Variants in CCNA2 observed in about 807,000 individuals in gnomAD.
The protein encoded by CCNA2 is cyclin-A2.
A neutral mutation model predicts 49.4 loss-of-function variants in CCNA2; 3 were observed. That is an observed-to-expected ratio of 0.06 (90% CI 0.03 to 0.16). The LOEUF (loss-of-function observed/expected upper bound fraction) is 0.16. CCNA2 is among the 10% of genes least tolerant of loss of function. CCNA2 has a pLI of 1.00. For synonymous variants in CCNA2, 206 were observed against 197.2 expected, an observed-to-expected ratio of 1.04 and a Z score of -0.37; for missense variants, 372 against 519.7, an observed-to-expected ratio of 0.72 and a Z score of 2.76.
Position 121,819,152 on chromosome 4 carries a change from A to G in CCNA2, c.1002+220T>C, listed in dbSNP as rs572911780. On this transcript the variant is annotated intron_variant, in intron 5 of 7. Coordinates refer to ENST00000274026, the MANE Select transcript of CCNA2 (RefSeq NM_001237.5). ...CAACTCTTCTGACTACCCATCCCCA[A>G]GATGTCATCCTTAGACCTCTGCTTC... is the stretch of plus-strand genomic sequence containing the variant. Among the ~76,000 whole-genome samples, 25 of 152,280 alleles carry G rather than the reference A, an allele frequency of 1.6e-4. 1 individual carries two copies. In the South Asian group the frequency reaches 5.2e-3, roughly 32 times the overall value.
At chr4:121,818,574 A>G (rs138990136) in intron 6 of CCNA2, among the ~76,000 whole-genome samples, 5 of 152,308 alleles carry the variant, frequency 3.3e-5, no homozygotes, top group African/African-American at 1.2e-4. Context: ...TGGGTTGTGA[A>G]TCCCCTGAAT....
rs1393610130 is a variant in CCNA2 at position 121,819,456 on chromosome 4, T to C, written c.918A>G (p.Leu306=). The C allele has an allele frequency of 1.2e-6, 2 of 1,614,008 alleles. No homozygotes were observed. The highest frequency in any genetic ancestry group is 1.3e-5 in the African/African-American group (1 of 74,944). Residue 306 remains leucine (L), a synonymous_variant, in exon 5 of 8, where the codon TTA becomes TTG. Coordinates refer to ENST00000274026, the MANE Select transcript of CCNA2 (RefSeq NM_001237.5). ...HLVLKVLTFD[L]AAPTVNQFLT... ...GAAACTGATTTACTGTTGGAGCAGC[T>C]AAGTCAAAAGTAAGGACTTTCAAAA...
At chr4:121,822,377 CCA>C in intron 2 of CCNA2, 24 bp downstream of exon 2, 1 of 1,602,642 alleles carries the variant, frequency 6.2e-7, no homozygotes, top group Non-Finnish European at 8.5e-7. Flanking sequence ...TACCGTAATT[CCA>C]CACAGATTTT....
In CCNA2 at chr4:121,817,634, A is replaced by T; in HGVS notation, c.*4T>A. ...TCTTAGAAAACAAAGGCAGTCTTTCATTGTTACAGATTTAGTGTCTCTGGT... is the reference window on the plus strand; with the variant it reads ...TCTTAGAAAACAAAGGCAGTCTTTCTTTGTTACAGATTTAGTGTCTCTGGT... On this transcript the variant is annotated 3_prime_UTR_variant, in exon 8 of 8. Transcript: ENST00000274026. 1 of 1,613,940 alleles carries T rather than the reference A, an allele frequency of 6.2e-7. No homozygotes were observed. Among genetic ancestry groups the T allele is most frequent in the Non-Finnish European group, 8.5e-7 (1 of 1,179,898 alleles).
In CCNA2 at chr4:121,822,327, C is replaced by T. The variant is rs1244202714; in HGVS notation, c.457+76G>A. The T allele has an allele frequency of 7.6e-6, 11 of 1,439,188 alleles. No individual in the cohort carries two copies. In the Admixed American group the frequency reaches 2.2e-4, roughly 29 times the overall value. 89.2% of individuals were successfully genotyped at this position (1,439,188 alleles called of 1,614,324 possible). A position where few individuals can be genotyped will look rare whatever the true frequency, so the allele number is the denominator to read the frequency against. ...TAGTCAAAATGACTACATAAGACATCTTAAAATGCAAATCATTAATATCAT... is the reference window on the plus strand; with the variant it reads ...TAGTCAAAATGACTACATAAGACATTTTAAAATGCAAATCATTAATATCAT... On this transcript the variant is annotated intron_variant, in intron 2 of 7. Coordinates refer to ENST00000274026, the MANE Select transcript of CCNA2 (RefSeq NM_001237.5).
chr4:121,819,600 A>G (rs762287419), intron 4 of CCNA2, 21 bp from the exon 5 acceptor site: 1 of 1,537,972 alleles, frequency 6.5e-7, no homozygotes, highest in South Asian at 1.1e-5. Context: ...AAAAGTTTTA[A>G]GTAATCAGTC....
In CCNA2 at chr4:121,817,034, T is replaced by C. The variant is rs1724548105; in HGVS notation, c.*604A>G. On this transcript the variant is annotated 3_prime_UTR_variant, in exon 8 of 8. Transcript: ENST00000274026. ...ACCTTCTGGAGCATTTCTCGTCTGT[T>C]AATTTGCATATAAGCTTCCCACCCT... is the stretch of plus-strand genomic sequence containing the variant. The C allele has an allele frequency of 8.0e-6, 5 of 627,772 alleles. No homozygotes were observed. Among genetic ancestry groups the C allele is most frequent in the Non-Finnish European group, 1.3e-5 (5 of 387,110 alleles). 38.9% of individuals were successfully genotyped at this position (627,772 alleles called of 1,614,324 possible). A position where few individuals can be genotyped will look rare whatever the true frequency, so the allele number is the denominator to read the frequency against.
In CCNA2 at chr4:121,823,883, C is replaced by T. The variant is rs769236; in HGVS notation, c.-255G>A. 200,007 of 557,246 alleles carry T rather than the reference C, an allele frequency of 0.36. 39,192 individuals carry two copies. Among genetic ancestry groups the T allele is most frequent in the East Asian group, 0.51 (15,355 of 30,058 alleles). The allele number at this position is 557,246 out of a possible 1,614,324, so 34.5% of individuals were successfully genotyped here. A position where few individuals can be genotyped will look rare whatever the true frequency, so the allele number is the denominator to read the frequency against. On this transcript the variant is annotated 5_prime_UTR_variant, in exon 1 of 8. Coordinates refer to ENST00000274026, the MANE Select transcript of CCNA2 (RefSeq NM_001237.5). ...CCCAGAGATGCAGCGAGCAGCCCGC[C>T]GGAGCGGCGGCTGTTCTTGCAGTTC...
At chr4:121,819,803 A>C (rs1578513018) in intron 4 of CCNA2, among the ~76,000 whole-genome samples, 1 of 152,214 alleles carries the variant, frequency 6.6e-6, no homozygotes, top group Non-Finnish European at 1.5e-5. Flanking sequence ...AGTTCAGTCA[A>C]AGGAAGTAAA....
Position 121,818,160 on chromosome 4 carries a change from T to C in CCNA2, c.1134A>G (p.Arg378=), listed in dbSNP as rs1578511867. 3 of 1,613,568 alleles carry C rather than the reference T, an allele frequency of 1.9e-6. No homozygotes were observed. Among genetic ancestry groups the C allele is most frequent in the African/African-American group, 1.3e-5 (1 of 75,020 alleles). ...GACTTTCCAGGGTATATCCAGTCTTTCGTATTAATGATTCAGGCTACAGAG... is the reference window on the plus strand; with the variant it reads ...GACTTTCCAGGGTATATCCAGTCTTCCGTATTAATGATTCAGGCTACAGAG... ...TGQSWPESLI[R]KTGYTLESLK... Residue 378 remains arginine, a synonymous_variant, in exon 7 of 8, where the codon CGA becomes CGG. Transcript: ENST00000274026.
In CCNA2 at chr4:121,823,428, C is replaced by T. The variant is rs779576613; in HGVS notation, c.201G>A (p.Pro67=). ...CGCATCCCTTTACCCGTCTCGTCTT[C>T]GGCCTCTGCTGCTGCGCTAGACCCC... is the stretch of plus-strand genomic sequence containing the variant. ...NPRGLAQQQR[P]KTRRVAPLKD... is the part of the protein sequence containing the mutation. Residue 67 remains proline (P), a synonymous_variant, in exon 1 of 8, where the codon CCG becomes CCA. Transcript: ENST00000274026. The T allele has an allele frequency of 3.7e-6, 6 of 1,611,790 alleles. No individual in the cohort carries two copies. The East Asian group carries it at 1.3e-4, about 36-fold the overall frequency.
At chr4:121,818,666 G>A (rs960784060) in intron 6 of CCNA2, 134 bp downstream of exon 6, 4 of 627,434 alleles carry the variant, frequency 6.4e-6, no homozygotes, top group Non-Finnish European at 1.1e-5. Flanking sequence ...GTTTTTCAAA[G>A]GTCAACTATA....
chr4:121,822,835 A>G (rs920641601), intron 1 of CCNA2, among the ~76,000 whole-genome samples, 189 bp from the exon 2 acceptor site: 1 of 152,196 alleles, frequency 6.6e-6, no homozygotes, highest in African/African-American at 2.4e-5. Context: ...AAGGCTATCA[A>G]TAGATAACAC....
At position 121,817,155 on chromosome 4, in the gene CCNA2, A is replaced by G. The variant is rs3217778; in HGVS notation, c.*483T>C. 8.1e-5 allele frequency: 24 copies of G among 297,392 alleles called. No individual in the cohort carries two copies. Among genetic ancestry groups the G allele is most frequent in the African/African-American group, 3.5e-4 (16 of 45,308 alleles). The allele number at this position is 297,392 out of a possible 1,614,324, so 18.4% of individuals were successfully genotyped here. On this transcript the variant is annotated 3_prime_UTR_variant, in exon 8 of 8. Coordinates refer to ENST00000274026, the MANE Select transcript of CCNA2 (RefSeq NM_001237.5). ...AGTCTGGGGAATCTCTACTGTATCT[A>G]TCTCTGAATACTGTATTCAGATATG...
At position 121,823,781 on chromosome 4, in the gene CCNA2, C is replaced by T; in HGVS notation, c.-153G>A. 7.2e-7 allele frequency: 1 copy of T among 1,383,850 alleles called. No homozygotes were observed. The highest frequency in any genetic ancestry group is 9.5e-7 in the Non-Finnish European group (1 of 1,054,384). The allele number at this position is 1,383,850 out of a possible 1,614,324, so 85.7% of individuals were successfully genotyped here. A position where few individuals can be genotyped will look rare whatever the true frequency, so the allele number is the denominator to read the frequency against. On this transcript the variant is annotated 5_prime_UTR_variant, in exon 1 of 8. Transcript: ENST00000274026. ...CTACCAGCCCGCCCGCTCGCTCACC[C>T]AGCTCGAGACCACGCAGGGCCGAGG... is the stretch of plus-strand genomic sequence containing the variant.
At chr4:121,823,381 A>T in intron 1 of CCNA2, 35 bp downstream of exon 1, 1 of 1,580,330 alleles carries the variant, frequency 6.3e-7, no homozygotes, top group South Asian at 1.1e-5. Flanking sequence ...ACCCTGCTCG[A>T]CCCACCCTCC....
In CCNA2 at chr4:121,817,663, T is replaced by C; in HGVS notation, c.1274A>G (p.Asn425Ser). The change falls in exon 8 of 8, where the codon AAC becomes AGC. Residue 425 changes from asparagine to serine, a missense_variant. Transcript: ENST00000274026. The part of the protein sequence containing the change: ...NSKYHGVSLL[N>S]PPETLNL ...TTACAGATTTAGTGTCTCTGGTGGG[T>C]TGAGGAGAGAAACACCATGATACCT... is the stretch of plus-strand genomic sequence containing the variant. The C allele has an allele frequency of 6.2e-7, 1 of 1,613,950 alleles. No individual in the cohort carries two copies. The highest frequency in any genetic ancestry group is 8.5e-7 in the Non-Finnish European group (1 of 1,179,938).
intron 2 of CCNA2, 63 bp downstream of exon 2, chr4:121,822,340 T>C: frequency 6.7e-7 from 1 of 1,501,704 alleles, no homozygotes; most frequent in Non-Finnish European, 9.1e-7. Context: ...AAAATGCAAA[T>C]CATTAATATC....
rs774718459 is a variant in CCNA2 at position 121,823,603 on chromosome 4, G to C, written c.26C>G (p.Pro9Arg). Residue 9 changes from proline to arginine, a missense_variant, in exon 1 of 8, where the codon CCT becomes CGT. Coordinates refer to ENST00000274026, the MANE Select transcript of CCNA2 (RefSeq NM_001237.5). MLGNSAPG[P>R]ATREAGSALL... ...CGCCGAGCCCGCCTCGCGGGTCGCA[G>C]GCCCCGGCGCAGAGTTGCCCAACAT... 6.2e-7 allele frequency: 1 copy of C among 1,600,512 alleles called. No homozygotes were observed. The highest frequency in any genetic ancestry group is 2.2e-5 in the East Asian group (1 of 44,506).
Sources: allele counts gnomAD v4.1 joint callset (sites outside exome capture counted in the v4.1 genomes callset), GRCh38; gene constraint gnomAD v4.1.1; transcripts MANE v1.5; gene names NCBI Gene and HGNC (gene_info 2026-07-23, HGNC 2026-07-21).